USP3: variants seen among roughly 807,000 people sequenced by gnomAD.
USP3 encodes the protein ubiquitin carboxyl-terminal hydrolase 3.
In USP3, 20 loss-of-function variants were observed where a neutral mutation model predicts 72.3. The ratio of observed to expected loss-of-function variants is 0.28; its 90% confidence interval spans 0.19 to 0.40. USP3 has a LOEUF of 0.40. USP3 is among the 10% of genes least tolerant of loss of function. The pLI is 1.00. For missense variants in USP3, 479 were observed against 633.9 expected (o/e 0.76, Z 2.62); for synonymous variants, 222 against 225.3 (o/e 0.99, Z 0.13).
At chr15:63,521,687 G>T (rs977879016) in intron 1 of USP3, among the ~76,000 whole-genome samples, 1 of 152,108 alleles carries the variant, frequency 6.6e-6, no homozygotes, top group African/African-American at 2.4e-5. Flanking sequence ...CTGTCAGCTC[G>T]GCTCAGACCA....
intron 8 of USP3, among the ~76,000 whole-genome samples, chr15:63,563,565 C>CT (rs148162401): frequency 0.025 from 3,762 of 152,258 alleles, 142 homozygotes; most frequent in African/African-American, 0.085. Flanking sequence ...TACACCTCTG[C>CT]TGTACACCTA....
intron 11 of USP3, among the ~76,000 whole-genome samples, chr15:63,579,143 C>T (rs1272907392): frequency 6.6e-6 from 1 of 152,038 alleles, no homozygotes; most frequent in Non-Finnish European, 1.5e-5. Context: ...AAGGAATATG[C>T]AATACTTTAA....
chr15:63,545,938 T>C (rs925254534), intron 3 of USP3, among the ~76,000 whole-genome samples: 4 of 115,138 alleles, frequency 3.5e-5, no homozygotes, highest in Non-Finnish European at 6.5e-5. Context: ...GCCATTGCAC[T>C]CCAGCCTGGG....
chr15:63,504,616 G>C lies in USP3; in HGVS notation c.-124G>C, dbSNP rs187987965. 5.1e-6 allele frequency: 4 copies of C among 783,586 alleles called. No individual in the cohort carries two copies. Among genetic ancestry groups the C allele is most frequent in the South Asian group, 2.0e-5 (1 of 48,808 alleles). The allele number at this position is 783,586 out of a possible 1,614,324, so 48.5% of individuals were successfully genotyped here. A position where few individuals can be genotyped will look rare whatever the true frequency, so the allele number is the denominator to read the frequency against. ...TGCTTTCTTTGACGCAAGGGCTCGA[G>C]ACGCAGCCGCCGTCGGCCGAGCGCC... On this transcript the variant is annotated 5_prime_UTR_variant, in exon 1 of 15. Coordinates refer to ENST00000380324, the MANE Select transcript of USP3 (RefSeq NM_006537.4).
At chr15:63,533,592 A>C (rs2066110776) in intron 2 of USP3, among the ~76,000 whole-genome samples, 1 of 152,156 alleles carries the variant, frequency 6.6e-6, no homozygotes, top group African/African-American at 2.4e-5. Flanking sequence ...ATAGGCTGAA[A>C]TCTATATTGT....
At chr15:63,576,898 T>C (rs1450115891) in intron 11 of USP3, among the ~76,000 whole-genome samples, 1 of 151,984 alleles carries the variant, frequency 6.6e-6, no homozygotes, top group African/African-American at 2.4e-5. Flanking sequence ...TGGACTTCAG[T>C]TGACTGATAC....
chr15:63,567,235 G>C (rs2066704868), intron 8 of USP3, among the ~76,000 whole-genome samples: 1 of 152,150 alleles, frequency 6.6e-6, no homozygotes, highest in Non-Finnish European at 1.5e-5. Flanking sequence ...GCCCAGGCTG[G>C]AGTGCAATGG....
chr15:63,540,876 T>C (rs1229989037), intron 3 of USP3, among the ~76,000 whole-genome samples: 1 of 152,190 alleles, frequency 6.6e-6, no homozygotes, highest in African/African-American at 2.4e-5. Context: ...ACACAAGAGC[T>C]AGTGTTTAGT....
chr15:63,589,099 T>C (rs145019700), intron 14 of USP3, 88 bp downstream of exon 14: 23,646 of 1,451,560 alleles, frequency 0.016, 327 homozygotes, highest in Middle Eastern at 0.039. Context: ...TGCTAGTTCT[T>C]CCTAAAAAAT....
At chr15:63,561,565 C>G (rs755832812) in intron 7 of USP3, among the ~76,000 whole-genome samples, 1 of 152,210 alleles carries the variant, frequency 6.6e-6, no homozygotes, top group South Asian at 2.1e-4. Context: ...CTCTTTGCCC[C>G]CCCTGCTACC....
At chr15:63,585,026 T>C (rs989778693) in intron 11 of USP3, among the ~76,000 whole-genome samples, 4 of 152,216 alleles carry the variant, frequency 2.6e-5, no homozygotes, top group African/African-American at 9.6e-5. Context: ...CATTGAGTAG[T>C]CTTGTCATTC....
At chr15:63,532,433 T>G in intron 1 of USP3, 1 of 604,626 alleles carries the variant, frequency 1.7e-6, no homozygotes, top group Non-Finnish European at 2.9e-6. Context: ...AGTCAGCAAT[T>G]AAAATGAGCC....
At chr15:63,538,402 TAG>T (rs1316202155) in intron 3 of USP3, among the ~76,000 whole-genome samples, 3 of 152,186 alleles carry the variant, frequency 2.0e-5, no homozygotes, top group African/African-American at 7.2e-5. Flanking sequence ...GATGGGGATT[TAG>T]AGAAGTCCAG....
rs2067189519 is a variant in USP3, at chr15:63,591,046, G to A, written c.*220G>A. 4.3e-6 allele frequency: 2 copies of A among 466,312 alleles called. No individual in the cohort carries two copies. Among genetic ancestry groups the A allele is most frequent in the Non-Finnish European group, 7.2e-6 (2 of 277,726 alleles). The allele number at this position is 466,312 out of a possible 1,614,324, so 28.9% of individuals were successfully genotyped here. A position where few individuals can be genotyped will look rare whatever the true frequency, so the allele number is the denominator to read the frequency against. On this transcript the variant is annotated 3_prime_UTR_variant, in exon 15 of 15. Coordinates refer to ENST00000380324, the MANE Select transcript of USP3 (RefSeq NM_006537.4). ...GATGTTTTGATTTGCTGCTTTAGTT[G>A]TAATAATTCAATTTTTATAGGTAGT...
Position 63,574,449 on chromosome 15 carries a change from G to C in USP3, c.1096+46G>C, listed in dbSNP as rs757219311. On this transcript the variant is annotated intron_variant, in intron 11 of 14. Coordinates refer to ENST00000380324, the MANE Select transcript of USP3 (RefSeq NM_006537.4). This position sits in a 1 kb window ranked among gnomAD's most constrained non-coding sequence, Gnocchi z 4.6. The stretch of plus-strand genomic sequence containing the variant: ...TAAAAATTTTTTTCTTTAAATAATT[G>C]AATAGATTGATAAGCTTCATCTATA... 1 of 1,400,984 alleles carries C rather than the reference G, an allele frequency of 7.1e-7. No homozygotes were observed. Among genetic ancestry groups the C allele is most frequent in the Non-Finnish European group, 9.8e-7 (1 of 1,016,860 alleles). 86.8% of individuals were successfully genotyped at this position (1,400,984 alleles called of 1,614,324 possible).
chr15:63,550,076 G>A (rs905103401), intron 3 of USP3, among the ~76,000 whole-genome samples: 1 of 152,218 alleles, frequency 6.6e-6, no homozygotes. Flanking sequence ...CTGGAGTGCA[G>A]TGGCATGATC....
Position 63,593,270 on chromosome 15 carries a change from T to C in USP3, c.*2444T>C, listed in dbSNP as rs2067236624. On this transcript the variant is annotated 3_prime_UTR_variant, in exon 15 of 15. Transcript: ENST00000380324. ...AAAATGACAGCTCCACCTGATCTGA[T>C]GTATCACACATTAACATCACATCTA... 1.3e-5 allele frequency: 2 copies of C among 152,262 alleles called. No homozygotes were observed. The highest frequency in any genetic ancestry group is 4.1e-4 in the South Asian group (2 of 4,834). The allele number at this position is 152,262 out of a possible 1,614,324, so 9.4% of individuals were successfully genotyped here.
chr15:63,582,365 A>G (rs1274182775), intron 11 of USP3, among the ~76,000 whole-genome samples: 1 of 152,174 alleles, frequency 6.6e-6, no homozygotes, highest in East Asian at 1.9e-4. Flanking sequence ...TACTGGGCAC[A>G]CCAGTCTCCT....
intron 11 of USP3, among the ~76,000 whole-genome samples, chr15:63,587,083 G>C (rs2067082765): frequency 6.7e-6 from 1 of 150,204 alleles, no homozygotes; most frequent in Non-Finnish European, 1.5e-5. Context: ...TACACAGCTA[G>C]GTTTCTGCTT....
Sources: allele counts gnomAD v4.1 joint callset (sites outside exome capture counted in the v4.1 genomes callset), GRCh38; gene constraint gnomAD v4.1.1; non-coding constraint Gnocchi (gnomAD v3.1); transcripts MANE v1.5; gene names NCBI Gene and HGNC (gene_info 2026-07-23, HGNC 2026-07-21).